The following YIPF1 variants were observed in gnomAD, a reference collection of about 807,000 sequenced individuals.
YIPF1 encodes Yip1 domain family member 1.
In YIPF1, 22 loss-of-function variants were observed where a neutral mutation model predicts 37.0. The observed-to-expected ratio is 0.59, with a 90% CI of 0.42 to 0.85. The LOEUF (loss-of-function observed/expected upper bound fraction) is 0.85, where lower values mean the gene tolerates loss of function less well. YIPF1 is among the 40% of genes least tolerant of loss of function. The probability of loss-of-function intolerance (pLI) is 0.00; values close to 1 mark genes in which losing one functional copy is unlikely to be tolerated. For synonymous variants in YIPF1, 128 were observed against 131.9 expected (o/e 0.97, Z 0.21); for missense variants, 355 against 373.1 (o/e 0.95, Z 0.40).
intron 10 of YIPF1, among the ~76,000 whole-genome samples, chr1:53,859,598 G>C (rs1649811293): frequency 1.3e-5 from 2 of 152,304 alleles, no homozygotes; most frequent in Non-Finnish European, 1.5e-5. Flanking sequence ...CCAGGAGATG[G>C]AGGCTGCACT....
At chr1:53,872,876 A>G (rs1483381221) in intron 6 of YIPF1, among the ~76,000 whole-genome samples, 1 of 152,178 alleles carries the variant, frequency 6.6e-6, no homozygotes, top group African/African-American at 2.4e-5. Flanking sequence ...GTAGACAAGG[A>G]CTAAATCTCA....
At chr1:53,855,384 A>G (rs1040981305) in intron 10 of YIPF1, among the ~76,000 whole-genome samples, 1 of 151,982 alleles carries the variant, frequency 6.6e-6, no homozygotes, top group Non-Finnish European at 1.5e-5. Context: ...GTCTTGGCTC[A>G]GAGAAGACAT....
At chr1:53,876,235 C>T (rs1055478393) in intron 6 of YIPF1, among the ~76,000 whole-genome samples, 12 of 151,924 alleles carry the variant, frequency 7.9e-5, no homozygotes, top group Non-Finnish European at 1.2e-4. Context: ...TGTGGGAGTT[C>T]GACATATATT....
At chr1:53,872,586 G>T (rs1482566254) in intron 6 of YIPF1, among the ~76,000 whole-genome samples, 6 of 152,180 alleles carry the variant, frequency 3.9e-5, no homozygotes, top group Non-Finnish European at 5.9e-5. Flanking sequence ...TAGATTGAGA[G>T]ATTTTAATAA....
Position 53,883,150 on chromosome 1 carries a change from T to C in YIPF1, c.158A>G (p.Asp53Gly), listed in dbSNP as rs145912315. ...AGAGTCATCATTTCCCAGTAACTCA[T>C]CATCTTCTTCTCTTCCTGAGCCTCT... is the stretch of plus-strand genomic sequence containing the variant. ...SPRGSGREED[D>G]ELLGNDDSDK... The change falls in exon 4 of 11, where the codon GAT becomes GGT. Residue 53 changes from aspartate to glycine, a missense_variant. By Grantham distance (94) the Asp-to-Gly change is moderately conservative (BLOSUM62 -1). Coordinates refer to ENST00000072644, the MANE Select transcript of YIPF1 (RefSeq NM_018982.5). 4 of 1,597,660 alleles carry C rather than the reference T, an allele frequency of 2.5e-6. No homozygotes were observed. Among genetic ancestry groups the C allele is most frequent in the African/African-American group, 1.4e-5 (1 of 73,950 alleles).
At chr1:53,857,140 C>T (rs1411755183) in intron 10 of YIPF1, among the ~76,000 whole-genome samples, 2 of 152,162 alleles carry the variant, frequency 1.3e-5, no homozygotes, top group Non-Finnish European at 2.9e-5. Flanking sequence ...GGAATTGAAT[C>T]CTGCCAACAA....
intron 6 of YIPF1, among the ~76,000 whole-genome samples, chr1:53,873,561 C>T (rs1180530701): frequency 8.5e-5 from 13 of 152,080 alleles, no homozygotes; most frequent in Admixed American, 8.5e-4. Flanking sequence ...GCCTGTAGTC[C>T]CAGCTACTCA....
chr1:53,860,592 A>C (rs1265530408), intron 9 of YIPF1, among the ~76,000 whole-genome samples: 3 of 152,212 alleles, frequency 2.0e-5, no homozygotes, highest in Non-Finnish European at 4.4e-5. Context: ...AGACTTCTTC[A>C]TCTTTGTGTC....
intron 7 of YIPF1, among the ~76,000 whole-genome samples, chr1:53,869,033 G>A (rs1650103978): frequency 6.6e-6 from 1 of 152,112 alleles, no homozygotes; most frequent in South Asian, 2.1e-4. Flanking sequence ...ATTTGATAGA[G>A]TTGGGATTGA....
chr1:53,879,883 G>A (rs567575240), intron 4 of YIPF1, among the ~76,000 whole-genome samples: 20 of 152,108 alleles, frequency 1.3e-4, no homozygotes, highest in Non-Finnish European at 2.6e-4. Context: ...GGAGAATGAA[G>A]AAAAGCAGGG....
At chr1:53,856,778 A>G (rs1649729964) in intron 10 of YIPF1, among the ~76,000 whole-genome samples, 1 of 152,200 alleles carries the variant, frequency 6.6e-6, no homozygotes, top group Non-Finnish European at 1.5e-5. Flanking sequence ...AAATACTTCA[A>G]ATATATACGT....
Position 53,866,910 on chromosome 1 carries a change from T to C in YIPF1, c.496A>G (p.Thr166Ala), listed in dbSNP as rs771716720. ...AGCCAGGCATAGGCATAGATGATGGTAGCTGCTATGGACACTGAGGATGAC... is the reference window on the plus strand; with the variant it reads ...AGCCAGGCATAGGCATAGATGATGGCAGCTGCTATGGACACTGAGGATGAC... ...PEFRKVSIAA[T>A]IIYAYAWLVP... is the part of the protein sequence containing the mutation. The change falls in exon 8 of 11, where the codon ACC becomes GCC. Residue 166 changes from threonine to alanine, a missense_variant. Physicochemically the swap from Thr to Ala is moderately conservative, Grantham distance 58. Coordinates refer to ENST00000072644, the MANE Select transcript of YIPF1 (RefSeq NM_018982.5). 1.2e-6 allele frequency: 2 copies of C among 1,612,688 alleles called. No individual in the cohort carries two copies. Among genetic ancestry groups the C allele is most frequent in the Non-Finnish European group, 1.7e-6 (2 of 1,179,346 alleles).
chr1:53,868,274 G>A (rs2100728751), intron 7 of YIPF1, among the ~76,000 whole-genome samples: 1 of 152,180 alleles, frequency 6.6e-6, no homozygotes, highest in South Asian at 2.1e-4. Context: ...TATTACACTC[G>A]GTGCTTTATT....
intron 6 of YIPF1, 105 bp downstream of exon 6, chr1:53,878,210 A>T: frequency 9.0e-7 from 1 of 1,115,632 alleles, no homozygotes; most frequent in Non-Finnish European, 1.3e-6. Context: ...GTCTAATAAT[A>T]CATGGCATGC....
intron 3 of YIPF1, among the ~76,000 whole-genome samples, chr1:53,888,097 G>T (rs922913344): frequency 8.5e-5 from 13 of 152,136 alleles, no homozygotes; most frequent in African/African-American, 3.1e-4. Flanking sequence ...GTGGTGACGG[G>T]CACCTGTAGT....
At chr1:53,881,238 C>G (rs1650488648) in intron 4 of YIPF1, among the ~76,000 whole-genome samples, 1 of 117,140 alleles carries the variant, frequency 8.5e-6, no homozygotes, top group African/African-American at 3.5e-5. Flanking sequence ...AAGCAAGACT[C>G]CATCTCAAAA....
At chr1:53,860,763 A>G (rs187530538) in intron 9 of YIPF1, among the ~76,000 whole-genome samples, 4 of 152,360 alleles carry the variant, frequency 2.6e-5, no homozygotes, top group African/African-American at 9.6e-5. Flanking sequence ...CAGCTGGGAA[A>G]TGAAAGGTTT....
At chr1:53,854,871 T>C (rs1348901280) in intron 10 of YIPF1, 1 of 152,086 alleles carries the variant, frequency 6.6e-6, no homozygotes, top group Non-Finnish European at 1.5e-5. Flanking sequence ...TAGGGAGCTA[T>C]ATTGGTAAAT....
chr1:53,871,384 C>T lies in YIPF1; in HGVS notation c.469G>A (p.Glu157Lys), dbSNP rs752505160. ...LGEKTYHYVP[E>K]FRKVSIAATI... ...GCTATTCACCAACCTTTTCGGAATT[C>T]GGGCACATAATGGTACGTCTTCTCT... Residue 157 changes from glutamate to lysine, a missense_variant, in exon 7 of 11, where the codon GAA becomes AAA. Glu to Lys is a moderately conservative substitution (Grantham distance 56). Coordinates refer to ENST00000072644, the MANE Select transcript of YIPF1 (RefSeq NM_018982.5). 2.9e-5 allele frequency: 47 copies of T among 1,612,898 alleles called. 1 individual carries two copies. In the Admixed American group the frequency reaches 3.8e-4, roughly 13 times the overall value.
Sources: gnomAD v4.1 joint callset for allele counts (sites outside exome capture counted in the v4.1 genomes callset) on GRCh38, gnomAD v4.1.1 for gene constraint, MANE v1.5 for transcripts, NCBI Gene and HGNC (gene_info 2026-07-23, HGNC 2026-07-21) for gene names.